The following GLG1 variants were observed in gnomAD, a reference collection of about 807,000 sequenced individuals.
GLG1 encodes golgi glycoprotein 1.
A neutral mutation model predicts 160.5 loss-of-function variants in GLG1; 38 were observed. The observed-to-expected ratio is 0.24, with a 90% CI of 0.18 to 0.31. The LOEUF is 0.31. Among genes scored for constraint, GLG1 ranks in the 10% least tolerant of loss-of-function variants. The pLI is 1.00. For missense variants in GLG1, 1,373 were observed against 1,505.2 expected (o/e 0.91, Z 1.45); for synonymous variants, 644 against 543.4 (o/e 1.19, Z -2.57).
chr16:74,601,549 G>A (rs1214448268), intron 1 of GLG1, among the ~76,000 whole-genome samples: 3 of 152,104 alleles, frequency 2.0e-5, no homozygotes, highest in Non-Finnish European at 4.4e-5. Flanking sequence ...TTTTTGTGAT[G>A]TTCCATGGAT....
At chr16:74,566,677 T>C (rs374356242) in intron 1 of GLG1, among the ~76,000 whole-genome samples, 34 of 152,320 alleles carry the variant, frequency 2.2e-4, no homozygotes, top group African/African-American at 7.5e-4. Context: ...CCTTTAGTCA[T>C]ACTATTAGAT....
At chr16:74,575,701 C>A (rs1244217346) in intron 1 of GLG1, among the ~76,000 whole-genome samples, 1 of 152,164 alleles carries the variant, frequency 6.6e-6, no homozygotes, top group East Asian at 1.9e-4. Context: ...CGGATTCAAG[C>A]AATTCTCCTG....
intron 1 of GLG1, among the ~76,000 whole-genome samples, chr16:74,586,702 ATT>A (rs36008097): frequency 6.8e-6 from 1 of 146,774 alleles, no homozygotes; most frequent in Non-Finnish European, 1.5e-5. Context: ...TGTAATTCTA[ATT>A]TTTTTTTTTT....
At chr16:74,505,462 G>A (rs867184729) in intron 3 of GLG1, among the ~76,000 whole-genome samples, 5 of 152,100 alleles carry the variant, frequency 3.3e-5, no homozygotes, top group African/African-American at 1.2e-4. Context: ...GCTCATGTCC[G>A]TAATCCCATC....
intron 1 of GLG1, among the ~76,000 whole-genome samples, chr16:74,590,161 C>G (rs146676461): frequency 3.8e-3 from 582 of 152,070 alleles, no homozygotes; most frequent in Non-Finnish European, 6.1e-3. Context: ...CCACACCCAC[C>G]TAAGTTTTTT....
At chr16:74,524,686 T>C (rs2017282242) in intron 2 of GLG1, among the ~76,000 whole-genome samples, 1 of 152,204 alleles carries the variant, frequency 6.6e-6, no homozygotes, top group African/African-American at 2.4e-5. Context: ...TCTGAATTAA[T>C]ATTTGAAGCT....
chr16:74,452,231 C>A lies in GLG1; in HGVS notation c.*936G>T. 1 of 1,544,276 alleles carries A rather than the reference C, an allele frequency of 6.5e-7. No individual in the cohort carries two copies. Among genetic ancestry groups the A allele is most frequent in the South Asian group, 1.2e-5 (1 of 83,810 alleles). ...AGGACCCCTCCCGCCACAGTCCTGCCTCCTGATGAAGCGCAGAGCTTCCAG... is the reference window on the plus strand; with the variant it reads ...AGGACCCCTCCCGCCACAGTCCTGCATCCTGATGAAGCGCAGAGCTTCCAG... On this transcript the variant is annotated 3_prime_UTR_variant, in exon 26 of 26. Coordinates refer to ENST00000422840, the MANE Select transcript of GLG1 (RefSeq NM_001145667.2).
intron 1 of GLG1, among the ~76,000 whole-genome samples, chr16:74,595,350 A>T (rs1252339441): frequency 2.6e-5 from 4 of 151,862 alleles, no homozygotes; most frequent in South Asian, 4.2e-4. Flanking sequence ...ATCCTGGCTA[A>T]CACGTTGAAA....
At chr16:74,577,436 C>G (rs979025957) in intron 1 of GLG1, among the ~76,000 whole-genome samples, 4 of 150,486 alleles carry the variant, frequency 2.7e-5, no homozygotes, top group Non-Finnish European at 5.9e-5. Flanking sequence ...ACAGGAGAAT[C>G]GCTTGAACTC....
Position 74,589,017 on chromosome 16 carries a change from G to C in GLG1, c.438+17640C>G, listed in dbSNP as rs555755424. Among the ~76,000 whole-genome samples, 10 of 151,686 alleles carry C rather than the reference G, an allele frequency of 6.6e-5. No individual in the cohort carries two copies. The East Asian group carries it at 1.9e-3, about 29-fold the overall frequency. ...AGCACTTTGGGAGGCTGAGGGGGGT[G>C]GATAACTTCAAGTCAGGAGTTCGAG... On this transcript the variant is annotated intron_variant, in intron 1 of 25. Transcript: ENST00000422840.
intron 25 of GLG1, among the ~76,000 whole-genome samples, chr16:74,456,270 C>T (rs2014534409): frequency 6.6e-6 from 1 of 152,216 alleles, no homozygotes; most frequent in African/African-American, 2.4e-5. Context: ...GCCCGATGCA[C>T]AGGGAGACGG....
At chr16:74,551,259 T>C (rs534509148) in intron 1 of GLG1, among the ~76,000 whole-genome samples, 5 of 152,306 alleles carry the variant, frequency 3.3e-5, no homozygotes, top group Admixed American at 2.6e-4. Flanking sequence ...ATGGGTTTTA[T>C]GAACTGCTTC....
At chr16:74,515,525 A>G (rs371843645) in intron 2 of GLG1, among the ~76,000 whole-genome samples, 1 of 152,146 alleles carries the variant, frequency 6.6e-6, no homozygotes. Context: ...TGGAAACTGA[A>G]CAACCTGCTC....
At position 74,530,488 on chromosome 16, in the gene GLG1, T is replaced by C. The variant is rs546886291; in HGVS notation, c.471+1633A>G. Among the ~76,000 whole-genome samples, 10 of 152,296 alleles carry C rather than the reference T, an allele frequency of 6.6e-5. No homozygotes were observed. The East Asian group carries it at 1.9e-3, about 29-fold the overall frequency. ...GTGAAAAGCAGCCACTGGCAATACA[T>C]AAATAAATGGTGTGGCTGTTTCAAT... On this transcript the variant is annotated intron_variant, in intron 2 of 25. Coordinates refer to ENST00000422840, the MANE Select transcript of GLG1 (RefSeq NM_001145667.2).
chr16:74,505,392 C>A (rs957581230), intron 3 of GLG1, among the ~76,000 whole-genome samples: 1 of 152,190 alleles, frequency 6.6e-6, no homozygotes, highest in South Asian at 2.1e-4. Context: ...GAAATTCTTT[C>A]AGTTTAACCC....
intron 1 of GLG1, among the ~76,000 whole-genome samples, chr16:74,568,867 A>G (rs1424450619): frequency 6.6e-6 from 1 of 152,238 alleles, no homozygotes; most frequent in Admixed American, 6.5e-5. Context: ...TAAACAACTA[A>G]AAGTGTTGGA....
intron 1 of GLG1, among the ~76,000 whole-genome samples, chr16:74,552,994 G>A (rs1432998540): frequency 2.6e-5 from 4 of 152,042 alleles, no homozygotes; most frequent in East Asian, 1.9e-4. Context: ...AGAGGCGAGC[G>A]GATCACTTGA....
chr16:74,471,662 T>C (rs1387120366), intron 14 of GLG1, among the ~76,000 whole-genome samples: 1 of 152,112 alleles, frequency 6.6e-6, no homozygotes, highest in African/African-American at 2.4e-5. Context: ...ATTCACTCAA[T>C]ATTGAGGTAC....
chr16:74,470,296 C>T (rs986440575), intron 15 of GLG1, among the ~76,000 whole-genome samples: 4 of 148,920 alleles, frequency 2.7e-5, no homozygotes, highest in Non-Finnish European at 6.0e-5. Context: ...TCCTTTCCTT[C>T]CTTCCTTCCC....
Sources: allele counts gnomAD v4.1 joint callset (sites outside exome capture counted in the v4.1 genomes callset), GRCh38; gene constraint gnomAD v4.1.1; transcripts MANE v1.5; gene names NCBI Gene and HGNC (gene_info 2026-07-23, HGNC 2026-07-21).